ARSB: variants seen among roughly 807,000 people sequenced by gnomAD.
ARSB encodes the protein arylsulfatase B.
A neutral mutation model predicts 50.9 loss-of-function variants in ARSB; 41 were observed. That is an observed-to-expected ratio of 0.81 (90% CI 0.63 to 1.04). The LOEUF is 1.04. Among genes scored for constraint, ARSB ranks in the 50% least tolerant of loss-of-function variants. The probability of loss-of-function intolerance (pLI) is 0.00; values close to 1 mark genes in which losing one functional copy is unlikely to be tolerated. For synonymous variants in ARSB, 269 were observed against 284.8 expected, an observed-to-expected ratio of 0.94 and a Z score of 0.56; for missense variants, 672 against 693.3, an observed-to-expected ratio of 0.97 and a Z score of 0.35.
Position 78,985,268 on chromosome 5 carries a change from C to CA in ARSB, c.-21dup, listed in dbSNP as rs1400622341. 1 of 1,293,866 alleles carries CA rather than the reference C, an allele frequency of 7.7e-7. No individual in the cohort carries two copies. The highest frequency in any genetic ancestry group is 9.8e-7 in the Non-Finnish European group (1 of 1,025,612). 80.1% of individuals were successfully genotyped at this position (1,293,866 alleles called of 1,614,324 possible). A position where few individuals can be genotyped will look rare whatever the true frequency, so the allele number is the denominator to read the frequency against. On this transcript the variant is annotated 5_prime_UTR_variant, in exon 1 of 8. Coordinates refer to ENST00000264914, the MANE Select transcript of ARSB (RefSeq NM_000046.5). ...ACCCATCCTTGTCCGCCCGCGGTCC[C>CA]AGCGCCTGTGGCGCCACCAGCCCCT...
chr5:78,972,497 G>A (rs1752490473), intron 1 of ARSB, among the ~76,000 whole-genome samples: 1 of 134,578 alleles, frequency 7.4e-6, no homozygotes, highest in South Asian at 2.3e-4. Flanking sequence ...ATTCCTCTTA[G>A]CACATTTGCA....
chr5:78,805,400 G>C (rs1433512167), intron 6 of ARSB, among the ~76,000 whole-genome samples: 1 of 152,222 alleles, frequency 6.6e-6, no homozygotes, highest in East Asian at 1.9e-4. Flanking sequence ...AATTTAATAA[G>C]ATTAGAAGGA....
intron 1 of ARSB, among the ~76,000 whole-genome samples, 170 bp downstream of exon 1, chr5:78,984,767 T>C (rs1057514518): frequency 3.9e-5 from 6 of 152,030 alleles, no homozygotes; most frequent in African/African-American, 1.4e-4. Context: ...CGCGGCGGGC[T>C]GCCGGCCTGG....
In ARSB at chr5:78,985,187, G is replaced by A; in HGVS notation, c.62C>T (p.Pro21Leu). The A allele has an allele frequency of 2.8e-6, 4 of 1,409,780 alleles. No homozygotes were observed. Among genetic ancestry groups the A allele is most frequent in the Non-Finnish European group, 3.7e-6 (4 of 1,083,494 alleles). 87.3% of individuals were successfully genotyped at this position (1,409,780 alleles called of 1,614,324 possible). The change falls in exon 1 of 8, where the codon CCC (proline) becomes CTC (leucine). Residue 21 changes from proline to leucine, a missense_variant. Physicochemically the swap from Pro to Leu is moderately conservative, Grantham distance 98. Transcript: ENST00000264914. ...RGPGPRRLLLPVVLPLLLLLL... is the reference protein window; with the variant it reads ...RGPGPRRLLLLVVLPLLLLLL... ...CAGCAGCAGCAGCGGGAGGACGACGGGGAGGAGCAGCCGCCGAGGTCCGGG... is the reference window on the plus strand; with the variant it reads ...CAGCAGCAGCAGCGGGAGGACGACGAGGAGGAGCAGCCGCCGAGGTCCGGG...
intron 6 of ARSB, among the ~76,000 whole-genome samples, chr5:78,834,189 C>T (rs183914887): frequency 6.6e-6 from 1 of 152,288 alleles, no homozygotes; most frequent in East Asian, 1.9e-4. Context: ...ACCCTATTCT[C>T]ATGCAGTTTC....
In ARSB at chr5:78,853,683, A is replaced by C. The variant is rs372957222; in HGVS notation, c.1143-14257T>G. ...AGAGGTGGAGCCTACAGAGGCAGGC[A>C]GGCCTCCTTGAGCTGTGGTGGGCTC... On this transcript the variant is annotated intron_variant, in intron 5 of 7. Coordinates refer to ENST00000264914, the MANE Select transcript of ARSB (RefSeq NM_000046.5). Among the ~76,000 whole-genome samples the C allele has an allele frequency of 1.5e-3, 225 of 152,362 alleles. 1 individual carries two copies. Among genetic ancestry groups the C allele is most frequent in the African/African-American group, 5.3e-3 (219 of 41,602 alleles).
At chr5:78,850,878 T>C (rs891620553) in intron 5 of ARSB, among the ~76,000 whole-genome samples, 2 of 152,228 alleles carry the variant, frequency 1.3e-5, no homozygotes, top group Non-Finnish European at 2.9e-5. Context: ...TGATGGTAGT[T>C]TGTATTTCTG....
chr5:78,974,300 G>A (rs1752578220), intron 1 of ARSB, among the ~76,000 whole-genome samples: 3 of 152,294 alleles, frequency 2.0e-5, no homozygotes, highest in South Asian at 2.1e-4. Context: ...GAACTGGCCC[G>A]TGTCACTGAC....
chr5:78,929,065 G>A (rs146346764), intron 4 of ARSB, among the ~76,000 whole-genome samples: 30 of 152,166 alleles, frequency 2.0e-4, no homozygotes, highest in African/African-American at 6.5e-4. Context: ...TGGATGTCCC[G>A]CCTCCCCTAA....
chr5:78,962,975 C>T (rs868695780), intron 3 of ARSB, among the ~76,000 whole-genome samples: 2 of 152,174 alleles, frequency 1.3e-5, no homozygotes, highest in African/African-American at 4.8e-5. Context: ...AGAATCCACA[C>T]GGTGATCTTC....
chr5:78,900,359 C>T (rs1271301692), intron 4 of ARSB, among the ~76,000 whole-genome samples: 2 of 152,194 alleles, frequency 1.3e-5, no homozygotes, highest in Non-Finnish European at 2.9e-5. Flanking sequence ...ACTCACAATG[C>T]TTCCCATGAG....
At chr5:78,939,712 T>C (rs1212268147) in intron 4 of ARSB, among the ~76,000 whole-genome samples, 4 of 152,230 alleles carry the variant, frequency 2.6e-5, no homozygotes, top group Non-Finnish European at 5.9e-5. Flanking sequence ...TCCAAGTCTT[T>C]GCTATTGTGA....
intron 5 of ARSB, among the ~76,000 whole-genome samples, chr5:78,841,168 C>CTAATAATAATAATAATAATAATAA (rs1554074343): frequency 0.014 from 1,906 of 131,916 alleles, 18 homozygotes; most frequent in Admixed American, 0.03. Flanking sequence ...ACTACTACTA[C>CTAATAATAATAATAATAATAATAA]TAATAATAAT....
In ARSB at chr5:78,780,633, G is replaced by A. The variant is rs200188234; in HGVS notation, c.1366C>T (p.Gln456Ter). The A allele has an allele frequency of 8.7e-6, 14 of 1,614,128 alleles. No individual in the cohort carries two copies. The highest frequency in any genetic ancestry group is 1.2e-5 in the Non-Finnish European group (14 of 1,180,010). ...GCGYWFPPPS[Q>*]YNVSEIPSSD... Reference sequence around the variant, plus strand: ...GAGGGTATCTCAGAAACATTGTATTGAGACGGTGGAGGGAACCAGTAACCA... The same window carrying A: ...GAGGGTATCTCAGAAACATTGTATTAAGACGGTGGAGGGAACCAGTAACCA... Residue 456 changes from glutamine to a stop codon, truncating the protein, a stop_gained, in exon 8 of 8, where the codon CAA (glutamine) becomes TAA (stop). Coordinates refer to ENST00000264914, the MANE Select transcript of ARSB (RefSeq NM_000046.5). LOFTEE classifies it high-confidence loss of function.
intron 6 of ARSB, among the ~76,000 whole-genome samples, chr5:78,829,745 T>C (rs2112692337): frequency 6.6e-6 from 1 of 152,348 alleles, no homozygotes; most frequent in East Asian, 1.9e-4. Context: ...CCCTAAAAAT[T>C]CTGACAAGAT....
intron 5 of ARSB, among the ~76,000 whole-genome samples, chr5:78,854,194 C>T (rs182402494): frequency 6.6e-6 from 1 of 152,378 alleles, no homozygotes; most frequent in African/African-American, 2.4e-5. Context: ...TCCTATTCAG[C>T]CATCTTGGCT....
chr5:78,896,564 G>T (rs1022325052), intron 4 of ARSB, among the ~76,000 whole-genome samples: 2 of 152,194 alleles, frequency 1.3e-5, no homozygotes, highest in Admixed American at 1.3e-4. Flanking sequence ...ACTATGGCTG[G>T]ATGTCCTAGA....
chr5:78,818,060 A>G (rs1258488391), intron 6 of ARSB, among the ~76,000 whole-genome samples: 1 of 152,166 alleles, frequency 6.6e-6, no homozygotes, highest in Non-Finnish European at 1.5e-5. Flanking sequence ...AGGTAGGAGA[A>G]TGACTTGAAC....
At chr5:78,845,353 C>T (rs1745398590) in intron 5 of ARSB, among the ~76,000 whole-genome samples, 1 of 152,054 alleles carries the variant, frequency 6.6e-6, no homozygotes, top group Admixed American at 6.6e-5. Context: ...GTGCACATAT[C>T]TCCTTGATAT....
Sources: gnomAD v4.1 joint callset for allele counts (sites outside exome capture counted in the v4.1 genomes callset) on GRCh38, gnomAD v4.1.1 for gene constraint, MANE v1.5 for transcripts, NCBI Gene and HGNC (gene_info 2026-07-23, HGNC 2026-07-21) for gene names.